Variants in TERF2IP observed in about 807,000 individuals in gnomAD.
The protein encoded by TERF2IP is TERF2 interacting protein.
TERF2IP carries 35 observed loss-of-function variants against 33.3 expected under a neutral mutation model. That is an observed-to-expected ratio of 1.05 (90% CI 0.80 to 1.39). The LOEUF is 1.39. Among genes scored for constraint, TERF2IP ranks in the 40% most tolerant of loss-of-function variants. The probability of loss-of-function intolerance (pLI) is 0.00; values close to 1 mark genes in which losing one functional copy is unlikely to be tolerated. For synonymous variants in TERF2IP, 253 were observed against 223.2 expected (o/e 1.13, Z -1.19); for missense variants, 583 against 524.8 (o/e 1.11, Z -1.08).
Position 75,648,550 on chromosome 16 carries a change from G to GA in TERF2IP, c.668_669insA (p.Glu224GlyfsTer5). 6.5e-7 allele frequency: 1 copy of GA among 1,548,814 alleles called. No homozygotes were observed. The highest frequency in any genetic ancestry group is 2.3e-5 in the East Asian group (1 of 43,020). Reference sequence around the variant, plus strand: ...GAGGACCCGGAGGCCGCGGATAGCGGGGGTGAGGAGGCTGAGCGCGGGGCC... The same window carrying GA: ...GAGGACCCGGAGGCCGCGGATAGCGGAGGGTGAGGAGGCTGAGCGCGGGGCC... On this transcript the variant is annotated frameshift_variant and splice_region_variant, in exon 1 of 3. Transcript: ENST00000300086. LOFTEE classifies it high-confidence loss of function.
At chr16:75,652,529 T>G (rs2082355116) in intron 1 of TERF2IP, among the ~76,000 whole-genome samples, 1 of 152,182 alleles carries the variant, frequency 6.6e-6, no homozygotes, top group Non-Finnish European at 1.5e-5. Context: ...CATCCCAACT[T>G]CCTGGACTGT....
At chr16:75,649,206 T>C (rs2082328067) in intron 1 of TERF2IP, among the ~76,000 whole-genome samples, 2 of 152,308 alleles carry the variant, frequency 1.3e-5, no homozygotes, top group Admixed American at 6.5e-5. Context: ...TTGACTAGAA[T>C]ATTGACATGG....
chr16:75,647,825 C>G lies in TERF2IP; in HGVS notation c.-58C>G, dbSNP rs1287023854. Reference sequence around the variant, plus strand: ...TGCGGTGACAGCTCAGTCAGTTGAGCTCTGTGTGCCAGGCGCTCGCGAGGG... The same window carrying G: ...TGCGGTGACAGCTCAGTCAGTTGAGGTCTGTGTGCCAGGCGCTCGCGAGGG... On this transcript the variant is annotated 5_prime_UTR_variant, in exon 1 of 3. Coordinates refer to ENST00000300086, the MANE Select transcript of TERF2IP (RefSeq NM_018975.4). 1.5e-5 allele frequency: 24 copies of G among 1,596,020 alleles called. No homozygotes were observed. The highest frequency in any genetic ancestry group is 4.0e-5 in the African/African-American group (3 of 74,390).
At chr16:75,655,990 T>TGCACACACACACGC (rs966437365) in intron 2 of TERF2IP, among the ~76,000 whole-genome samples, 1 of 147,724 alleles carries the variant, frequency 6.8e-6, no homozygotes, top group Non-Finnish European at 1.5e-5. Flanking sequence ...CACACACACG[T>TGCACACACACACGC]GCACACACAC....
In TERF2IP at chr16:75,648,454, A is replaced by G. The variant is rs1326102774; in HGVS notation, c.572A>G (p.Gln191Arg). 2 of 1,600,774 alleles carry G rather than the reference A, an allele frequency of 1.2e-6. No individual in the cohort carries two copies. The highest frequency in any genetic ancestry group is 8.5e-7 in the Non-Finnish European group (1 of 1,174,744). ...KDRYLKHLRG[Q>R]EHKYLLGDAP... ...CGCTACCTCAAGCACCTGCGGGGCCAGGAGCATAAGTACCTGCTGGGGGAC... is the reference window on the plus strand; with the variant it reads ...CGCTACCTCAAGCACCTGCGGGGCCGGGAGCATAAGTACCTGCTGGGGGAC... Residue 191 changes from glutamine (Q) to arginine (R), a missense_variant, in exon 1 of 3, where the codon CAG (glutamine) becomes CGG (arginine). Gln to Arg is a conservative substitution (Grantham distance 43). Coordinates refer to ENST00000300086, the MANE Select transcript of TERF2IP (RefSeq NM_018975.4).
chr16:75,649,246 T>C (rs2082328410), intron 1 of TERF2IP, among the ~76,000 whole-genome samples: 1 of 152,180 alleles, frequency 6.6e-6, no homozygotes, highest in Non-Finnish European at 1.5e-5. Context: ...AAAAAGTATA[T>C]AGAAAATTCT....
rs2082386347 is a variant in TERF2IP at position 75,656,388 on chromosome 16, A to G, written c.977A>G (p.Asn326Ser). ...KIIRQLMEKF[N>S]LDLSTVTQAF... ...ATTCGGCAGTTAATGGAGAAGTTTA[A>G]CTTGGATCTATCAACAGTTACACAG... The change falls in exon 3 of 3, where the codon AAC (asparagine) becomes AGC (serine). Residue 326 changes from asparagine to serine, a missense_variant. By Grantham distance (46) the Asn-to-Ser change is conservative. Coordinates refer to ENST00000300086, the MANE Select transcript of TERF2IP (RefSeq NM_018975.4). 3 of 1,614,048 alleles carry G rather than the reference A, an allele frequency of 1.9e-6. No individual in the cohort carries two copies. Among genetic ancestry groups the G allele is most frequent in the Admixed American group, 1.7e-5 (1 of 60,008 alleles).
intron 2 of TERF2IP, 95 bp from the exon 3 acceptor site, chr16:75,656,112 C>T: frequency 1.6e-6 from 2 of 1,242,096 alleles, no homozygotes; most frequent in East Asian, 2.3e-5. Flanking sequence ...GATTGGAATG[C>T]AGAGGGCAAG....
In TERF2IP at chr16:75,656,666, A is replaced by C; in HGVS notation, c.*55A>C. On this transcript the variant is annotated 3_prime_UTR_variant, in exon 3 of 3. Coordinates refer to ENST00000300086, the MANE Select transcript of TERF2IP (RefSeq NM_018975.4). ...CATGGTAGGTGAGGTGGTTAAAAAA[A>C]ATTGTGACCAATGAACTTTAGAGAG... is the stretch of plus-strand genomic sequence containing the variant. 2.0e-6 allele frequency: 3 copies of C among 1,487,760 alleles called. No homozygotes were observed. The highest frequency in any genetic ancestry group is 2.7e-6 in the Non-Finnish European group (3 of 1,105,538). 92.2% of individuals were successfully genotyped at this position (1,487,760 alleles called of 1,614,324 possible). A position where few individuals can be genotyped will look rare whatever the true frequency, so the allele number is the denominator to read the frequency against.
Position 75,647,957 on chromosome 16 carries a change from C to A in TERF2IP, c.75C>A (p.Asp25Glu). The change falls in exon 1 of 3, where the codon GAC (aspartate) becomes GAA (glutamate). Residue 25 changes from aspartate to glutamate, a missense_variant. Transcript: ENST00000300086. ...THSSTLFVRD[D>E]GSSMSFYVRP... ...CCTCGACTCTGTTCGTGAGGGACGA[C>A]GGCAGCTCCATGTCCTTCTACGTGC... 1.2e-6 allele frequency: 2 copies of A among 1,613,800 alleles called. No homozygotes were observed. Among genetic ancestry groups the A allele is most frequent in the Non-Finnish European group, 1.7e-6 (2 of 1,179,840 alleles).
intron 1 of TERF2IP, among the ~76,000 whole-genome samples, chr16:75,648,860 C>T (rs1027541032): frequency 6.7e-6 from 1 of 149,924 alleles, no homozygotes; most frequent in Admixed American, 6.6e-5. Flanking sequence ...GGCCTCTCGT[C>T]GTTTTTATTT....
intron 2 of TERF2IP, among the ~76,000 whole-genome samples, chr16:75,655,253 C>G (rs2082376327): frequency 6.6e-6 from 1 of 152,192 alleles, no homozygotes; most frequent in African/African-American, 2.4e-5. Flanking sequence ...AATGTTTTAG[C>G]TCTTCCATAT....
intron 2 of TERF2IP, among the ~76,000 whole-genome samples, chr16:75,655,978 CT>C (rs1189757446): frequency 1.3e-5 from 2 of 152,078 alleles, no homozygotes; most frequent in African/African-American, 2.4e-5. Context: ...CCCCCTACCC[CT>C]CACACACACG....
Position 75,647,820 on chromosome 16 carries a change from T to C in TERF2IP, c.-63T>C, listed in dbSNP as rs1452820979. The C allele has an allele frequency of 2.5e-6, 4 of 1,590,196 alleles. No homozygotes were observed. Among genetic ancestry groups the C allele is most frequent in the African/African-American group, 2.7e-5 (2 of 74,320 alleles). ...GCGTCTGCGGTGACAGCTCAGTCAGTTGAGCTCTGTGTGCCAGGCGCTCGC... is the reference window on the plus strand; with the variant it reads ...GCGTCTGCGGTGACAGCTCAGTCAGCTGAGCTCTGTGTGCCAGGCGCTCGC... On this transcript the variant is annotated 5_prime_UTR_variant, in exon 1 of 3. Coordinates refer to ENST00000300086, the MANE Select transcript of TERF2IP (RefSeq NM_018975.4).
At chr16:75,649,983 C>A (rs1449678866) in intron 1 of TERF2IP, among the ~76,000 whole-genome samples, 1 of 152,182 alleles carries the variant, frequency 6.6e-6, no homozygotes, top group East Asian at 1.9e-4. Context: ...TATGACTACT[C>A]CATTTAACAC....
rs1322559001 is a variant in TERF2IP at position 75,656,966 on chromosome 16, CAG to C, written c.*356_*357del. 1.1e-5 allele frequency: 2 copies of C among 185,878 alleles called. No homozygotes were observed. The highest frequency in any genetic ancestry group is 2.2e-5 in the Non-Finnish European group (2 of 90,258). The allele number at this position is 185,878 out of a possible 1,614,324, so 11.5% of individuals were successfully genotyped here. ...GAAATTTAGGAGGCATAGGCCATTTCAGGCAGCATAAGTAATCTCCTGTCCTT... is the reference window on the plus strand; with the variant it reads ...GAAATTTAGGAGGCATAGGCCATTTCGCAGCATAAGTAATCTCCTGTCCTT... On this transcript the variant is annotated 3_prime_UTR_variant, in exon 3 of 3. Coordinates refer to ENST00000300086, the MANE Select transcript of TERF2IP (RefSeq NM_018975.4).
intron 1 of TERF2IP, among the ~76,000 whole-genome samples, chr16:75,650,605 G>A (rs1223143511): frequency 2.6e-5 from 4 of 152,004 alleles, no homozygotes; most frequent in African/African-American, 7.3e-5. Context: ...GTGCGATCAC[G>A]GCTCACTGCA....
rs2082394365 is a variant in TERF2IP at position 75,657,297 on chromosome 16, A to G, written c.*686A>G. 6.6e-6 allele frequency: 1 copy of G among 152,178 alleles called. No individual in the cohort carries two copies. The highest frequency in any genetic ancestry group is 1.5e-5 in the Non-Finnish European group (1 of 68,036). 9.4% of individuals were successfully genotyped at this position (152,178 alleles called of 1,614,324 possible). ...CACAACTCTAGAGAGTGTTAAGAAT[A>G]ATGTTACTTGGTTAATGTGTTATTT... is the stretch of plus-strand genomic sequence containing the variant. On this transcript the variant is annotated 3_prime_UTR_variant, in exon 3 of 3. Coordinates refer to ENST00000300086, the MANE Select transcript of TERF2IP (RefSeq NM_018975.4).
At position 75,656,583 on chromosome 16, in the gene TERF2IP, C is replaced by T; in HGVS notation, c.1172C>T (p.Ala391Val). 6.3e-7 allele frequency: 1 copy of T among 1,598,528 alleles called. No homozygotes were observed. The highest frequency in any genetic ancestry group is 8.5e-7 in the Non-Finnish European group (1 of 1,171,698). Reference sequence around the variant, plus strand: ...AAAAAATTTGGTGCTCAGAATGTAGCTCGGAGGATTGAATTTCGAAAGAAA... The same window carrying T: ...AAAAAATTTGGTGCTCAGAATGTAGTTCGGAGGATTGAATTTCGAAAGAAA... ...LVKKFGAQNV[A>V]RRIEFRKK is the part of the protein sequence containing the mutation. Residue 391 changes from alanine (A) to valine (V), a missense_variant, in exon 3 of 3, where the codon GCT becomes GTT. Coordinates refer to ENST00000300086, the MANE Select transcript of TERF2IP (RefSeq NM_018975.4).
Sources: gnomAD v4.1 joint callset for allele counts (sites outside exome capture counted in the v4.1 genomes callset) on GRCh38, gnomAD v4.1.1 for gene constraint, MANE v1.5 for transcripts, NCBI Gene and HGNC (gene_info 2026-07-23, HGNC 2026-07-21) for gene names.